Variants in PCDH10 observed in about 807,000 individuals in gnomAD.
The protein encoded by PCDH10 is protocadherin 10, also known as protocadherin-10.
A neutral mutation model predicts 74.4 loss-of-function variants in PCDH10; 15 were observed. The ratio of observed to expected loss-of-function variants is 0.20; its 90% CI spans 0.13 to 0.31. PCDH10 has a LOEUF of 0.31. Among genes scored for constraint, PCDH10 ranks in the 10% least tolerant of loss-of-function variants. The probability of loss-of-function intolerance (pLI) is 1.00; values close to 1 mark genes in which losing one functional copy is unlikely to be tolerated. For synonymous variants in PCDH10, 619 were observed against 589.8 expected (o/e 1.05, Z -0.72); for missense variants, 1,260 against 1,390.2 (o/e 0.91, Z 1.49).
intron 4 of PCDH10, among the ~76,000 whole-genome samples, chr4:133,184,976 C>G (rs1274283400): frequency 2.0e-5 from 3 of 147,908 alleles, no homozygotes; most frequent in African/African-American, 7.4e-5. Context: ...TTGATTTAAT[C>G]ATACTTACTT....
intron 1 of PCDH10, chr4:133,153,296 G>A: frequency 6.0e-6 from 6 of 1,004,508 alleles, no homozygotes; most frequent in Non-Finnish European, 6.0e-6. Flanking sequence ...CAAGTTACCA[G>A]ATCCTTCTCC....
chr4:133,176,431 C>T (rs982380534), intron 4 of PCDH10, among the ~76,000 whole-genome samples: 1 of 152,102 alleles, frequency 6.6e-6, no homozygotes, highest in Non-Finnish European at 1.5e-5. Flanking sequence ...CCAAAAGAGG[C>T]ACTCATTAAG....
chr4:133,150,023 G>A lies in PCDH10; in HGVS notation c.-118G>A. Reference sequence around the variant, plus strand: ...TTTTTAAAGACAGAAAGCCACAGGAGCCCCCACGTAGCGCACTTTTATTTG... The same window carrying A: ...TTTTTAAAGACAGAAAGCCACAGGAACCCCCACGTAGCGCACTTTTATTTG... On this transcript the variant is annotated 5_prime_UTR_variant, in exon 1 of 5. Transcript: ENST00000264360. The A allele has an allele frequency of 7.3e-7, 1 of 1,366,402 alleles. No individual in the cohort carries two copies. The highest frequency in any genetic ancestry group is 2.7e-5 in the Admixed American group (1 of 37,376). 84.6% of individuals were successfully genotyped at this position (1,366,402 alleles called of 1,614,324 possible). A position where few individuals can be genotyped will look rare whatever the true frequency, so the allele number is the denominator to read the frequency against.
At chr4:133,195,763 T>C (rs1727783616), downstream of PCDH10, among the ~76,000 whole-genome samples, 1 of 152,030 alleles carries the variant, frequency 6.6e-6, no homozygotes, top group African/African-American at 2.4e-5. Context: ...AAAAATAGAT[T>C]AGAAAAGTAT....
In PCDH10 at chr4:133,193,023, A is replaced by AG. The variant is rs1297023018; in HGVS notation, c.*2863_*2864insG. 1 of 110,878 alleles carries AG rather than the reference A, an allele frequency of 9.0e-6. No homozygotes were observed. The highest frequency in any genetic ancestry group is 6.3e-5 in the African/African-American group (1 of 15,794). The allele number at this position is 110,878 out of a possible 1,614,324, so 6.9% of individuals were successfully genotyped here. ...ATTTCGTCAATAAATTATTTCAGAA[A>AG]AAAAAATCATGTCATTTACTCCTTG... is the stretch of plus-strand genomic sequence containing the variant. On this transcript the variant is annotated 3_prime_UTR_variant, in exon 5 of 5. Transcript: ENST00000264360.
chr4:133,156,574 T>C (rs2125860857), intron 3 of PCDH10, among the ~76,000 whole-genome samples: 1 of 152,354 alleles, frequency 6.6e-6, no homozygotes, highest in South Asian at 2.1e-4. Context: ...CATTTAGCAT[T>C]GCTCATTCCT....
chr4:133,178,490 C>T (rs1727342603), intron 4 of PCDH10, among the ~76,000 whole-genome samples: 1 of 151,924 alleles, frequency 6.6e-6, no homozygotes, highest in East Asian at 1.9e-4. Flanking sequence ...TCTGCCTTGG[C>T]CTCCCAAAGT....
chr4:133,204,510 T>C (rs1320756225), intron 2 of PCDH10, among the ~76,000 whole-genome samples: 2 of 152,104 alleles, frequency 1.3e-5, no homozygotes, highest in Non-Finnish European at 2.9e-5. Flanking sequence ...AACCCAACCA[T>C]CAGTCATGCC....
intron 2 of PCDH10, among the ~76,000 whole-genome samples, chr4:133,205,881 T>G (rs570956170): frequency 6.6e-6 from 1 of 152,272 alleles, no homozygotes; most frequent in Non-Finnish European, 1.5e-5. Flanking sequence ...TTTTATCCAA[T>G]ATATTGATGA....
Position 133,149,356 on chromosome 4 carries a change from G to GA in PCDH10, c.-780dup, listed in dbSNP as rs1318132101. The GA allele has an allele frequency of 1.3e-5, 2 of 152,488 alleles. No homozygotes were observed. Among genetic ancestry groups the GA allele is most frequent in the African/African-American group, 4.8e-5 (2 of 41,472 alleles). 9.4% of individuals were successfully genotyped at this position (152,488 alleles called of 1,614,324 possible). On this transcript the variant is annotated 5_prime_UTR_variant, in exon 1 of 5. Coordinates refer to ENST00000264360, the MANE Select transcript of PCDH10 (RefSeq NM_032961.3). ...AGCAGGAGGAAGGAAGGACTGGAAG[G>GA]AAAAAGAGACAGGTTAGAGGGAAAG...
chr4:133,187,904 T>C (rs1380986182), intron 4 of PCDH10, among the ~76,000 whole-genome samples: 1 of 152,146 alleles, frequency 6.6e-6, no homozygotes, highest in Non-Finnish European at 1.5e-5. Context: ...CTAGAAATGA[T>C]ATTTTTATTA....
chr4:133,161,690 T>C (rs1230458241), intron 3 of PCDH10, among the ~76,000 whole-genome samples: 1 of 151,810 alleles, frequency 6.6e-6, no homozygotes, highest in Non-Finnish European at 1.5e-5. Context: ...TATACTTTTG[T>C]TTTTCAAATT....
intron 4 of PCDH10, among the ~76,000 whole-genome samples, chr4:133,180,511 G>T (rs1227363417): frequency 6.6e-6 from 1 of 151,844 alleles, no homozygotes; most frequent in Non-Finnish European, 1.5e-5. Context: ...CATGTTGAAG[G>T]ATTTTGCTTT....
rs1410964832 is a variant in PCDH10, at chr4:133,191,606, C to T, written c.*1446C>T. ...TCCTTTCTTTTATATATTTTTTCTA[C>T]TGTTGTGTATGCCTTGTTAGAACAC... On this transcript the variant is annotated 3_prime_UTR_variant, in exon 5 of 5. Coordinates refer to ENST00000264360, the MANE Select transcript of PCDH10 (RefSeq NM_032961.3). 1 of 151,736 alleles carries T rather than the reference C, an allele frequency of 6.6e-6. No individual in the cohort carries two copies. Among genetic ancestry groups the T allele is most frequent in the African/African-American group, 2.4e-5 (1 of 41,308 alleles). The allele number at this position is 151,736 out of a possible 1,614,324, so 9.4% of individuals were successfully genotyped here.
rs72942300 is a variant in PCDH10, at chr4:133,200,544, T to C, written n.438-7532T>C. The stretch of plus-strand genomic sequence containing the variant: ...TTGAAGAAGTCTTAACACCTTCAAG[T>C]TGTTAAGTCTATATTCATCAACTAT... On this transcript the variant is annotated intron_variant and non_coding_transcript_variant, in intron 2 of 2. Transcript: ENST00000511112. Among the ~76,000 whole-genome samples the C allele has an allele frequency of 1.9e-3, 295 of 152,322 alleles. 1 individual carries two copies. Among genetic ancestry groups the C allele is most frequent in the African/African-American group, 6.5e-3 (272 of 41,576 alleles).
Position 133,193,243 on chromosome 4 carries a change from C to T in PCDH10, c.*3083C>T, listed in dbSNP as rs1256421059. On this transcript the variant is annotated 3_prime_UTR_variant, in exon 5 of 5. Coordinates refer to ENST00000264360, the MANE Select transcript of PCDH10 (RefSeq NM_032961.3). ...AAATTTAAATATCACATCAGAATTA[C>T]TTCACAGATATAATAGCGTCAATGA... is the stretch of plus-strand genomic sequence containing the variant. The T allele has an allele frequency of 6.6e-6, 1 of 151,784 alleles. No homozygotes were observed. The highest frequency in any genetic ancestry group is 3.4e-3 in the Middle Eastern group (1 of 294). 9.4% of individuals were successfully genotyped at this position (151,784 alleles called of 1,614,324 possible).
chr4:133,167,477 G>A (rs2125865128), intron 4 of PCDH10, among the ~76,000 whole-genome samples: 1 of 151,468 alleles, frequency 6.6e-6, no homozygotes, highest in East Asian at 1.9e-4. Context: ...TAGGATTTGT[G>A]TTTTCCTCTA....
intron 3 of PCDH10, among the ~76,000 whole-genome samples, chr4:133,161,072 G>A (rs1726959951): frequency 6.6e-6 from 1 of 151,966 alleles, no homozygotes; most frequent in Admixed American, 6.6e-5. Flanking sequence ...TAGGATAAAG[G>A]AGTGAGCTTC....
intron 2 of PCDH10, among the ~76,000 whole-genome samples, chr4:133,207,608 G>T (rs1272840988): frequency 6.6e-6 from 1 of 151,808 alleles, no homozygotes; most frequent in African/African-American, 2.4e-5. Context: ...TTTAAAAAAA[G>T]ATAAAAATTG....
Sources: gnomAD v4.1 joint callset for allele counts (sites outside exome capture counted in the v4.1 genomes callset) on GRCh38, gnomAD v4.1.1 for gene constraint, MANE v1.5 for transcripts, NCBI Gene and HGNC (gene_info 2026-07-23, HGNC 2026-07-21) for gene names.